The following MDGA2 variants were observed in gnomAD, a reference collection of about 807,000 sequenced individuals.
The protein encoded by MDGA2 is MAM domain-containing glycosylphosphatidylinositol anchor protein 2.
MDGA2 carries 40 observed loss-of-function variants against 117.8 expected under a neutral mutation model. The observed-to-expected ratio is 0.34, with a 90% CI of 0.26 to 0.44. The LOEUF (loss-of-function observed/expected upper bound fraction) is 0.44. MDGA2 is among the 20% of genes least tolerant of loss of function. The pLI is 1.00. For missense variants in MDGA2, 1,123 were observed against 1,250.6 expected, an observed-to-expected ratio of 0.90 and a Z score of 1.54; for synonymous variants, 452 against 439.0, an observed-to-expected ratio of 1.03 and a Z score of -0.37.
Position 46,882,079 on chromosome 14 carries a change from T to C in MDGA2, c.2381A>G (p.Glu794Gly). The C allele has an allele frequency of 6.2e-7, 1 of 1,610,898 alleles. No individual in the cohort carries two copies. The highest frequency in any genetic ancestry group is 8.5e-7 in the Non-Finnish European group (1 of 1,178,058). The change falls in exon 11 of 17, where the codon GAA (glutamate) becomes GGA (glycine). Residue 794 changes from glutamate (E) to glycine (G), a missense_variant. Transcript: ENST00000399232. ...VRLTPLTKFGEGDSTIRVIKY... is the reference protein window; with the variant it reads ...VRLTPLTKFGGGDSTIRVIKY... Reference sequence around the variant, plus strand: ...GATCACACGAATTGTTGAATCTCCTTCACCAAATTTGGTGAGAGGAGTCAG... The same window carrying C: ...GATCACACGAATTGTTGAATCTCCTCCACCAAATTTGGTGAGAGGAGTCAG...
At chr14:47,127,448 C>T (rs1881962967) in intron 5 of MDGA2, among the ~76,000 whole-genome samples, 1 of 152,064 alleles carries the variant, frequency 6.6e-6, no homozygotes, top group Non-Finnish European at 1.5e-5. Flanking sequence ...ACTATGAGCA[C>T]CACCAGATGG....
At chr14:47,344,877 G>GT (rs1491387773) in intron 1 of MDGA2, among the ~76,000 whole-genome samples, 9 of 74,116 alleles carry the variant, frequency 1.2e-4, no homozygotes, top group African/African-American at 3.1e-4. Context: ...GTGTATGAGA[G>GT]TGTGTGTGTG....
chr14:47,102,509 G>A (rs887006188), intron 5 of MDGA2, among the ~76,000 whole-genome samples: 8 of 152,038 alleles, frequency 5.3e-5, no homozygotes, highest in African/African-American at 1.9e-4. Context: ...TCCTGGCACA[G>A]CAGTTGATTT....
At chr14:46,880,620 T>G (rs948405918) in intron 11 of MDGA2, among the ~76,000 whole-genome samples, 9 of 151,174 alleles carry the variant, frequency 6.0e-5, no homozygotes, top group African/African-American at 2.2e-4. Flanking sequence ...CTGACCAACA[T>G]GGAAAAACCC....
intron 6 of MDGA2, among the ~76,000 whole-genome samples, chr14:47,086,574 G>A (rs1242939123): frequency 6.6e-6 from 1 of 150,972 alleles, no homozygotes. Flanking sequence ...CTTATTTTTT[G>A]AAAAGGTTCT....
intron 8 of MDGA2, among the ~76,000 whole-genome samples, chr14:47,010,118 T>C (rs889885247): frequency 7.2e-5 from 11 of 152,094 alleles, no homozygotes; most frequent in African/African-American, 2.7e-4. Flanking sequence ...ATCTTTGCCT[T>C]TACTGACTGG....
chr14:46,985,120 G>A (rs1275600783), intron 8 of MDGA2, among the ~76,000 whole-genome samples: 2 of 151,994 alleles, frequency 1.3e-5, no homozygotes, highest in Non-Finnish European at 2.9e-5. Context: ...CAGTTACTAG[G>A]ACCAAACTAC....
chr14:47,673,051 G>C (rs532163451), intron 1 of MDGA2, among the ~76,000 whole-genome samples: 2 of 152,076 alleles, frequency 1.3e-5, no homozygotes, highest in Non-Finnish European at 2.9e-5. Flanking sequence ...CCTTAGAGTC[G>C]GGAGAAAGTG....
intron 10 of MDGA2, among the ~76,000 whole-genome samples, chr14:46,882,806 T>G (rs1229132689): frequency 4.0e-5 from 6 of 151,880 alleles, no homozygotes; most frequent in Admixed American, 2.6e-4. Context: ...AAAGGGGCAC[T>G]CTTTAGTTAA....
chr14:47,171,815 A>G (rs1884151618), intron 3 of MDGA2, among the ~76,000 whole-genome samples: 1 of 152,138 alleles, frequency 6.6e-6, no homozygotes, highest in Non-Finnish European at 1.5e-5. Context: ...GGTGCAGCAC[A>G]CCATGCGCGA....
intron 3 of MDGA2, among the ~76,000 whole-genome samples, chr14:47,149,215 G>T (rs148117079): frequency 6.6e-6 from 1 of 152,054 alleles, no homozygotes; most frequent in African/African-American, 2.4e-5. Context: ...GCTTGAACCC[G>T]GGAGGTGAAG....
At chr14:47,291,681 C>T (rs1179866196) in intron 2 of MDGA2, among the ~76,000 whole-genome samples, 1 of 152,180 alleles carries the variant, frequency 6.6e-6, no homozygotes, top group Non-Finnish European at 1.5e-5. Flanking sequence ...AAGCTCGCTG[C>T]CACTGCACCT....
chr14:46,989,297 A>G (rs1886988578), intron 8 of MDGA2, among the ~76,000 whole-genome samples: 1 of 151,334 alleles, frequency 6.6e-6, no homozygotes, highest in Non-Finnish European at 1.5e-5. Context: ...CCCCCCACAC[A>G]TATCAGAAAA....
intron 1 of MDGA2, among the ~76,000 whole-genome samples, chr14:47,595,289 C>A (rs1241473472): frequency 1.3e-5 from 2 of 151,562 alleles, no homozygotes; most frequent in Non-Finnish European, 1.5e-5. Context: ...AATCCCAGCC[C>A]TTTGGGAGGC....
rs71448157 is a variant in MDGA2 at position 47,013,772 on chromosome 14, GTATATATA to G, written c.1819+21231_1819+21238del. 1.9e-4 allele frequency among the ~76,000 whole-genome samples: 18 copies of G among 93,706 alleles called. 1 individual carries two copies. The highest frequency in any genetic ancestry group is 1.6e-3 in the South Asian group (4 of 2,564). The allele number at this position is 93,706 out of a possible 152,430, so 61.5% of individuals were successfully genotyped here. ...TAGGTATGAAAACATTAATTTCCTT[GTATATATA>G]TATATATATATATCTCCTTTTTTTT... On this transcript the variant is annotated intron_variant, in intron 8 of 16. Transcript: ENST00000399232.
At chr14:47,282,512 T>A (rs189371802) in intron 2 of MDGA2, among the ~76,000 whole-genome samples, 436 of 90,154 alleles carry the variant, frequency 4.8e-3, no homozygotes, top group Admixed American at 8.2e-3. Context: ...ACCCCGTCTC[T>A]ATTAAAAATA....
At chr14:46,995,769 C>T (rs1887266529) in intron 8 of MDGA2, among the ~76,000 whole-genome samples, 1 of 151,650 alleles carries the variant, frequency 6.6e-6, no homozygotes, top group Non-Finnish European at 1.5e-5. Context: ...GTTTGTAATA[C>T]AATAATAAAC....
At chr14:47,359,141 G>A (rs554457397) in intron 1 of MDGA2, among the ~76,000 whole-genome samples, 17 of 152,272 alleles carry the variant, frequency 1.1e-4, no homozygotes, top group Admixed American at 4.6e-4. Context: ...GGATCACGAG[G>A]TCAGGAGATC....
chr14:47,457,727 G>T (rs1468086135), intron 1 of MDGA2, among the ~76,000 whole-genome samples: 1 of 150,558 alleles, frequency 6.6e-6, no homozygotes, highest in Admixed American at 6.6e-5. Context: ...AAAAATCTTA[G>T]CCTGAGTCCG....
Sources: allele counts gnomAD v4.1 joint callset (sites outside exome capture counted in the v4.1 genomes callset), GRCh38; gene constraint gnomAD v4.1.1; transcripts MANE v1.5; gene names NCBI Gene and HGNC (gene_info 2026-07-23, HGNC 2026-07-21).